Variants in GNG4 observed in about 807,000 individuals in gnomAD.
The protein encoded by GNG4 is G protein subunit gamma 4.
Under a neutral mutation model 5.8 loss-of-function variants are expected in GNG4, and 4 were observed. The observed-to-expected ratio is 0.69, with a 90% CI of 0.34 to 1.57. GNG4 has a LOEUF of 1.57. Among genes scored for constraint, GNG4 ranks in the 40% most tolerant of loss-of-function variants. GNG4 has a pLI of 0.06. For synonymous variants in GNG4, 29 were observed against 32.9 expected (o/e 0.88, Z 0.41); for missense variants, 96 against 95.1 (o/e 1.01, Z -0.04).
At chr1:235,583,675 G>T in intron 3 of GNG4, 65 bp downstream of exon 3, 1 of 1,038,080 alleles carries the variant, frequency 9.6e-7, no homozygotes, top group Non-Finnish European at 1.5e-6. Flanking sequence ...GTCTGCTTTG[G>T]AAGCAGGAGG....
chr1:235,554,989 TC>T (rs1258284236), intron 3 of GNG4, among the ~76,000 whole-genome samples: 1 of 152,182 alleles, frequency 6.6e-6, no homozygotes, highest in Non-Finnish European at 1.5e-5. Flanking sequence ...GTTATGTCAT[TC>T]AGAAAGGAAG....
intron 1 of GNG4, among the ~76,000 whole-genome samples, chr1:235,617,204 T>C (rs923979123): frequency 6.6e-6 from 1 of 152,162 alleles, no homozygotes; most frequent in Non-Finnish European, 1.5e-5. Flanking sequence ...TGAAACAGGT[T>C]CACCTCTTCT....
intron 3 of GNG4, among the ~76,000 whole-genome samples, chr1:235,561,959 T>C (rs1572613217): frequency 6.6e-6 from 1 of 152,258 alleles, no homozygotes; most frequent in South Asian, 2.1e-4. Context: ...TTTATGTCTA[T>C]AATTTATTTT....
At chr1:235,617,117 G>C (rs1688607582) in intron 1 of GNG4, among the ~76,000 whole-genome samples, 1 of 152,116 alleles carries the variant, frequency 6.6e-6, no homozygotes, top group Admixed American at 6.6e-5. Flanking sequence ...AACTTGGTTA[G>C]AAATATCAAG....
At chr1:235,560,893 G>C (rs1687044402) in intron 3 of GNG4, among the ~76,000 whole-genome samples, 1 of 152,200 alleles carries the variant, frequency 6.6e-6, no homozygotes. Flanking sequence ...TAGGTGTGTA[G>C]TGGTATCTTA....
chr1:235,633,510 CAG>C (rs1404890091), intron 1 of GNG4, among the ~76,000 whole-genome samples: 1 of 152,152 alleles, frequency 6.6e-6, no homozygotes, highest in Non-Finnish European at 1.5e-5. Context: ...ATTTTTGAGA[CAG>C]GGTCTCATTC....
chr1:235,613,459 T>C lies in GNG4; in HGVS notation c.-122-17948A>G, dbSNP rs114242294. The stretch of plus-strand genomic sequence containing the variant: ...TGACCTTAAGACAGGCAGGTTATCA[T>C]GGATTATCCTAGTGGACCCTATGCA... On this transcript the variant is annotated intron_variant, in intron 1 of 3. Coordinates refer to ENST00000391854, the MANE Select transcript of GNG4 (RefSeq NM_001098722.2). 1.0e-2 allele frequency among the ~76,000 whole-genome samples: 1,521 copies of C among 152,300 alleles called. 26 individuals are homozygous for C. Among genetic ancestry groups the C allele is most frequent in the African/African-American group, 0.035 (1,469 of 41,564 alleles).
At chr1:235,552,373 C>A in intron 3 of GNG4, 136 bp from the exon 4 acceptor site, 1 of 747,252 alleles carries the variant, frequency 1.3e-6, no homozygotes, top group Non-Finnish European at 2.2e-6. Context: ...CATGGTCATG[C>A]CCAGGCTGGA....
intron 1 of GNG4, among the ~76,000 whole-genome samples, chr1:235,600,806 A>G (rs1688242345): frequency 6.6e-6 from 1 of 152,218 alleles, no homozygotes; most frequent in East Asian, 1.9e-4. Flanking sequence ...AAATATATTC[A>G]TCTTTGAAAA....
At chr1:235,569,749 G>A (rs1394280335) in intron 3 of GNG4, among the ~76,000 whole-genome samples, 1 of 151,912 alleles carries the variant, frequency 6.6e-6, no homozygotes, top group Non-Finnish European at 1.5e-5. Flanking sequence ...TGTATTTTCA[G>A]TAGACAGGGT....
At chr1:235,581,452 C>T (rs1364974080) in intron 3 of GNG4, among the ~76,000 whole-genome samples, 1 of 151,810 alleles carries the variant, frequency 6.6e-6, no homozygotes, top group East Asian at 1.9e-4. Flanking sequence ...TGGCGTGAAC[C>T]CGGGAGGCGG....
In GNG4 at chr1:235,568,167, T is replaced by TA. The variant is rs1558477401; in HGVS notation, c.99+15572_99+15573insT. ...TTCTAATAAATCTGCTTTTTTTTTT[T>TA]TAAACCTATGACTGCCTTGGCAAAT... On this transcript the variant is annotated intron_variant, in intron 3 of 3. Transcript: ENST00000391854. Among the ~76,000 whole-genome samples, 14 of 74,630 alleles carry TA rather than the reference T, an allele frequency of 1.9e-4. No homozygotes were observed. The East Asian group carries it at 6.6e-3, about 35-fold the overall frequency. The allele number at this position is 74,630 out of a possible 152,430, so 49.0% of individuals were successfully genotyped here. A position where few individuals can be genotyped will look rare whatever the true frequency, so the allele number is the denominator to read the frequency against.
At chr1:235,629,596 CTTTCTTTT>C (rs1688892803) in intron 1 of GNG4, among the ~76,000 whole-genome samples, 6 of 146,662 alleles carry the variant, frequency 4.1e-5, no homozygotes, top group African/African-American at 1.6e-4. Context: ...TTTTTTCTTT[CTTTCTTTT>C]TTTTTTTTTT....
intron 1 of GNG4, among the ~76,000 whole-genome samples, chr1:235,612,112 C>T (rs1360338939): frequency 1.4e-5 from 2 of 138,682 alleles, no homozygotes; most frequent in African/African-American, 2.6e-5. Flanking sequence ...AAAAAGAAAA[C>T]GAAGTACTTA....
At position 235,628,416 on chromosome 1, in the gene GNG4, C is replaced by CGG. The variant is rs369455729; in HGVS notation, c.-123+21244_-123+21245dup. ...GGGGCCACAAAGCCTTGTTAGGAGA[C>CGG]GGGGGGGGGTTACAAGACCCTAGAA... is the stretch of plus-strand genomic sequence containing the variant. On this transcript the variant is annotated intron_variant, in intron 1 of 3. Coordinates refer to ENST00000391854, the MANE Select transcript of GNG4 (RefSeq NM_001098722.2). Among the ~76,000 whole-genome samples, 572 of 136,736 alleles carry CGG rather than the reference C, an allele frequency of 4.2e-3. 7 individuals carry two copies. Among genetic ancestry groups the CGG allele is most frequent in the African/African-American group, 0.014 (516 of 35,962 alleles). 89.7% of individuals were successfully genotyped at this position (136,736 alleles called of 152,430 possible). A position where few individuals can be genotyped will look rare whatever the true frequency, so the allele number is the denominator to read the frequency against.
At chr1:235,640,379 C>A (rs973674125) in intron 1 of GNG4, among the ~76,000 whole-genome samples, 2 of 152,112 alleles carry the variant, frequency 1.3e-5, no homozygotes, top group African/African-American at 4.8e-5. Context: ...TAGCCCAGAC[C>A]CACTATGTCA....
intron 3 of GNG4, among the ~76,000 whole-genome samples, chr1:235,571,869 A>T (rs1164952198): frequency 6.6e-6 from 1 of 152,102 alleles, no homozygotes; most frequent in African/African-American, 2.4e-5. Flanking sequence ...ACAGGGTCTC[A>T]CTCTCTCATC....
chr1:235,562,686 G>GAAA (rs1687099445), intron 3 of GNG4, among the ~76,000 whole-genome samples: 1 of 125,998 alleles, frequency 7.9e-6, no homozygotes, highest in Non-Finnish European at 1.8e-5. Flanking sequence ...AAAAAAAAAA[G>GAAA]AAGAAAATTT....
chr1:235,576,931 T>G (rs1248866078), intron 3 of GNG4, among the ~76,000 whole-genome samples: 3 of 152,214 alleles, frequency 2.0e-5, no homozygotes, highest in Non-Finnish European at 4.4e-5. Context: ...AATGAATATT[T>G]CAGCTACGTT....
Sources: gnomAD v4.1 joint callset for allele counts (sites outside exome capture counted in the v4.1 genomes callset) on GRCh38, gnomAD v4.1.1 for gene constraint, MANE v1.5 for transcripts, NCBI Gene and HGNC (gene_info 2026-07-23, HGNC 2026-07-21) for gene names.